Variants in DSC3 observed in about 807,000 individuals in gnomAD.
The protein encoded by DSC3 is desmocollin 3, also known as desmocollin-3.
DSC3 carries 97 observed loss-of-function variants against 89.5 expected under a neutral mutation model. The ratio of observed to expected loss-of-function variants is 1.08; its 90% CI spans 0.92 to 1.28. DSC3 has a LOEUF of 1.28. Ranked by LOEUF, DSC3 falls within the 50% of genes most tolerant of loss-of-function variation. The pLI is 0.00. For missense variants in DSC3, 1,199 were observed against 1,085.3 expected (o/e 1.10, Z -1.47); for synonymous variants, 436 against 384.1 (o/e 1.14, Z -1.58).
At chr18:31,013,456 C>G (rs1313269106) in intron 9 of DSC3, among the ~76,000 whole-genome samples, 1 of 152,048 alleles carries the variant, frequency 6.6e-6, no homozygotes, top group Non-Finnish European at 1.5e-5. Context: ...TGTGACCAAG[C>G]AAGCCCTGCC....
chr18:31,040,886 C>T (rs1356158269), intron 1 of DSC3, among the ~76,000 whole-genome samples: 2 of 151,912 alleles, frequency 1.3e-5, no homozygotes, highest in Non-Finnish European at 2.9e-5. Context: ...CCATCCGGTC[C>T]GAAATTGCAA....
At chr18:30,997,496 C>T (rs1249103855) in intron 14 of DSC3, among the ~76,000 whole-genome samples, 1 of 152,146 alleles carries the variant, frequency 6.6e-6, no homozygotes, top group African/African-American at 2.4e-5. Context: ...TTCATGAGAG[C>T]AGAGCCCTCA....
intron 9 of DSC3, among the ~76,000 whole-genome samples, chr18:31,013,439 G>A (rs976620348): frequency 1.3e-5 from 2 of 152,050 alleles, no homozygotes; most frequent in African/African-American, 4.8e-5. Context: ...AGAAGCCTCT[G>A]ATAAATTGTG....
intron 9 of DSC3, among the ~76,000 whole-genome samples, chr18:31,011,930 A>T (rs1224386030): frequency 8.7e-6 from 1 of 114,366 alleles, no homozygotes; most frequent in Non-Finnish European, 1.9e-5. Flanking sequence ...TCCAAAAAAA[A>T]GAAAAAAAAA....
At chr18:31,022,772 G>T (rs79031824) in intron 6 of DSC3, among the ~76,000 whole-genome samples, 154 of 152,190 alleles carry the variant, frequency 1.0e-3, no homozygotes, top group African/African-American at 3.6e-3. Context: ...TAGTTAAATG[G>T]CAATCAAAAT....
At chr18:31,001,764 T>A (rs776315080) in intron 13 of DSC3, 25 bp from the exon 14 acceptor site, 2 of 1,542,014 alleles carry the variant, frequency 1.3e-6, no homozygotes, top group South Asian at 1.2e-5. Context: ...AAAAATAAAA[T>A]AACTTACTTT....
Position 30,991,003 on chromosome 18 carries a change from A to C in DSC3, c.*3172T>G, listed in dbSNP as rs990544888. ...TTCTATTTCCATGCCAGCCATAAGC[A>C]TAATTTTGCAAAGTGATCATCTTAG... On this transcript the variant is annotated 3_prime_UTR_variant, in exon 16 of 16. Transcript: ENST00000360428. 1 of 152,262 alleles carries C rather than the reference A, an allele frequency of 6.6e-6. No individual in the cohort carries two copies. Among genetic ancestry groups the C allele is most frequent in the Non-Finnish European group, 1.5e-5 (1 of 68,046 alleles). The allele number at this position is 152,262 out of a possible 1,614,324, so 9.4% of individuals were successfully genotyped here. A position where few individuals can be genotyped will look rare whatever the true frequency, so the allele number is the denominator to read the frequency against.
chr18:31,004,452 G>A lies in DSC3; in HGVS notation c.1889-86C>T, dbSNP rs28647426. On this transcript the variant is annotated intron_variant, in intron 12 of 15. Coordinates refer to ENST00000360428, the MANE Select transcript of DSC3 (RefSeq NM_001941.5). ...TTTCATCACGCTTGTTTTTGAAGGC[G>A]TCATTCTCAAGGAACTGCCTGCCAG... 2.9e-3 allele frequency: 3,755 copies of A among 1,274,260 alleles called. 75 individuals carry two copies. In the African/African-American group the frequency reaches 0.046, roughly 16 times the overall value. The allele number at this position is 1,274,260 out of a possible 1,614,324, so 78.9% of individuals were successfully genotyped here. A position where few individuals can be genotyped will look rare whatever the true frequency, so the allele number is the denominator to read the frequency against.
chr18:31,037,651 C>A (rs2077291954), intron 1 of DSC3, among the ~76,000 whole-genome samples: 1 of 152,126 alleles, frequency 6.6e-6, no homozygotes, highest in Non-Finnish European at 1.5e-5. Context: ...CCTGTAATCC[C>A]AGCACTCTGG....
intron 9 of DSC3, among the ~76,000 whole-genome samples, chr18:31,009,715 A>G (rs1313589): frequency 0.25 from 37,729 of 152,092 alleles, 5,149 homozygotes; most frequent in East Asian, 0.59. Flanking sequence ...TCATGACATT[A>G]TGAAGTAAGT....
At chr18:31,024,604 A>G in intron 5 of DSC3, 111 bp from the exon 6 acceptor site, 5 of 1,192,402 alleles carry the variant, frequency 4.2e-6, no homozygotes, top group Non-Finnish European at 5.8e-6. Context: ...AACTACTTTG[A>G]AGTTTTTTTA....
Position 30,994,288 on chromosome 18 carries a change from G to T in DSC3, c.2578C>A (p.Pro860Thr). ...CTGCAGCAGCCCACAGAACCAGCTGGAGATCCTCTTCCCTCATAGTTATAA... is the reference window on the plus strand; with the variant it reads ...CTGCAGCAGCCCACAGAACCAGCTGTAGATCCTCTTCCCTCATAGTTATAA... ...LTYNYEGRGS[P>T]AGSVGCCSEK... Residue 860 changes from proline (P) to threonine (T), a missense_variant, in exon 16 of 16, where the codon CCA becomes ACA. Transcript: ENST00000360428. 3 of 1,614,064 alleles carry T rather than the reference G, an allele frequency of 1.9e-6. No individual in the cohort carries two copies. Among genetic ancestry groups the T allele is most frequent in the South Asian group, 1.1e-5 (1 of 91,080 alleles).
chr18:31,007,809 C>T (rs1984905030), intron 11 of DSC3, among the ~76,000 whole-genome samples: 1 of 151,936 alleles, frequency 6.6e-6, no homozygotes, highest in Admixed American at 6.6e-5. Context: ...AAGGTCCTGC[C>T]CTATTGGGGA....
At chr18:31,014,192 T>C (rs1478760821) in intron 9 of DSC3, among the ~76,000 whole-genome samples, 19 of 151,942 alleles carry the variant, frequency 1.3e-4, no homozygotes, top group Non-Finnish European at 7.4e-5. Flanking sequence ...TCCATAGATA[T>C]GGAACTGGTT....
chr18:31,032,114 G>C, intron 2 of DSC3, 78 bp downstream of exon 2: 1 of 1,012,762 alleles, frequency 9.9e-7, no homozygotes, highest in Non-Finnish European at 1.6e-6. Flanking sequence ...ACTCCAAAAG[G>C]CAAAGGTATT....
At chr18:31,022,184 A>G (rs934705731) in intron 7 of DSC3, 152 bp downstream of exon 7, 3 of 919,830 alleles carry the variant, frequency 3.3e-6, no homozygotes, top group Non-Finnish European at 4.8e-6. Flanking sequence ...AATAGAAATA[A>G]TATAAAAAAC....
intron 13 of DSC3, among the ~76,000 whole-genome samples, chr18:31,002,763 G>T (rs1197184332): frequency 6.6e-6 from 1 of 150,864 alleles, no homozygotes; most frequent in Admixed American, 6.6e-5. Flanking sequence ...AAATTTTACA[G>T]TCCATATATA....
intron 14 of DSC3, among the ~76,000 whole-genome samples, chr18:30,998,528 G>A (rs1984550616): frequency 6.6e-6 from 1 of 152,136 alleles, no homozygotes; most frequent in South Asian, 2.1e-4. Context: ...ATAATTCTGG[G>A]AGACACTCCC....
chr18:31,021,487 A>G (rs755645359), intron 7 of DSC3, among the ~76,000 whole-genome samples: 22 of 152,072 alleles, frequency 1.4e-4, no homozygotes, highest in South Asian at 4.1e-4. Context: ...GATTCCCACC[A>G]TCTCTCCCTG....
Sources: gnomAD v4.1 joint callset for allele counts (sites outside exome capture counted in the v4.1 genomes callset) on GRCh38, gnomAD v4.1.1 for gene constraint, MANE v1.5 for transcripts, NCBI Gene and HGNC (gene_info 2026-07-23, HGNC 2026-07-21) for gene names.